Variants in MPDZ observed in about 807,000 individuals in gnomAD.
The protein encoded by MPDZ is multiple PDZ domain protein.
MPDZ carries 234 observed loss-of-function variants against 239.1 expected under a neutral mutation model. The observed-to-expected ratio is 0.98, with a 90% confidence interval of 0.88 to 1.09. The LOEUF (loss-of-function observed/expected upper bound fraction) is 1.09, where lower values mean the gene tolerates loss of function less well. Ranked by LOEUF, MPDZ falls within the 50% of genes least tolerant of loss-of-function variation. The probability of loss-of-function intolerance (pLI) is 0.00; values close to 1 mark genes in which losing one functional copy is unlikely to be tolerated. For synonymous variants in MPDZ, 1,048 were observed against 881.3 expected, an observed-to-expected ratio of 1.19 and a Z score of -3.35; for missense variants, 3,175 against 2,510.0, an observed-to-expected ratio of 1.26 and a Z score of -5.66.
chr9:13,197,032 T>C (rs1228168090), intron 12 of MPDZ, among the ~76,000 whole-genome samples: 1 of 151,932 alleles, frequency 6.6e-6, no homozygotes, highest in African/African-American at 2.4e-5. Context: ...TCAGATTTCT[T>C]ATTAGTTGCC....
intron 28 of MPDZ, among the ~76,000 whole-genome samples, chr9:13,139,150 C>G (rs924198814): frequency 6.6e-6 from 1 of 152,162 alleles, no homozygotes; most frequent in Non-Finnish European, 1.5e-5. Flanking sequence ...TACATTGATT[C>G]TTAACTGCAT....
At chr9:13,277,889 CTA>C (rs1202268437) in intron 1 of MPDZ, among the ~76,000 whole-genome samples, 2 of 152,092 alleles carry the variant, frequency 1.3e-5, no homozygotes, top group Admixed American at 1.3e-4. Flanking sequence ...TTTTAAAACA[CTA>C]TTGTTTGCCA....
chr9:13,206,310 T>A (rs1008310206), intron 10 of MPDZ, among the ~76,000 whole-genome samples: 1 of 152,068 alleles, frequency 6.6e-6, no homozygotes, highest in African/African-American at 2.4e-5. Flanking sequence ...GGCTTCTGTT[T>A]ATTTTAATAT....
chr9:13,199,782 A>G (rs1022186572), intron 12 of MPDZ, among the ~76,000 whole-genome samples: 1 of 152,086 alleles, frequency 6.6e-6, no homozygotes, highest in Non-Finnish European at 1.5e-5. Flanking sequence ...GCATATGTTG[A>G]AACATCCTCG....
intron 3 of MPDZ, among the ~76,000 whole-genome samples, chr9:13,236,234 T>C (rs1347003775): frequency 1.1e-4 from 3 of 27,450 alleles, no homozygotes; most frequent in East Asian, 2.6e-3. Context: ...TGTATATGTA[T>C]ATGTGTGTGT....
chr9:13,206,059 G>A lies in MPDZ; in HGVS notation c.1331C>T (p.Ala444Val). The stretch of plus-strand genomic sequence containing the variant: ...TCCTGTATGTCGCAATACCTCTACT[G>A]CTTGCTGATTAGTAAAACCCTGAAG... Reference protein sequence around the residue: ...TNLQGFTNQQAVEVLRHTGQT... With the variant: ...TNLQGFTNQQVVEVLRHTGQT... Residue 444 changes from alanine (A) to valine (V), a missense_variant, in exon 11 of 47, where the codon GCA becomes GTA. Ala to Val is a moderately conservative substitution (Grantham distance 64, BLOSUM62 0). Coordinates refer to ENST00000319217, the MANE Select transcript of MPDZ (RefSeq NM_001378778.1). 1 of 1,610,046 alleles carries A rather than the reference G, an allele frequency of 6.2e-7. No individual in the cohort carries two copies. Among genetic ancestry groups the A allele is most frequent in the Non-Finnish European group, 8.5e-7 (1 of 1,178,902 alleles).
chr9:13,168,304 A>C (rs1951335841), intron 22 of MPDZ, 62 bp downstream of exon 22: 1 of 1,472,692 alleles, frequency 6.8e-7, no homozygotes, highest in South Asian at 1.2e-5. Context: ...ACTGAAAAAG[A>C]ATTCTGATTA....
chr9:13,157,927 G>C (rs1950019581), intron 24 of MPDZ, 91 bp downstream of exon 24: 2 of 1,048,788 alleles, frequency 1.9e-6, no homozygotes, highest in Admixed American at 4.0e-5. Context: ...ATAACAAGAA[G>C]CAAGTTGTAA....
At chr9:13,231,465 G>A (rs1319828668) in intron 3 of MPDZ, among the ~76,000 whole-genome samples, 1 of 152,108 alleles carries the variant, frequency 6.6e-6, no homozygotes, top group Admixed American at 6.6e-5. Context: ...TACTTGGGAG[G>A]TTGAAGCACG....
intron 22 of MPDZ, among the ~76,000 whole-genome samples, chr9:13,165,188 T>C (rs1413175069): frequency 6.6e-6 from 1 of 152,112 alleles, no homozygotes; most frequent in African/African-American, 2.4e-5. Flanking sequence ...AACGTAACAA[T>C]CTCATAGCTC....
At chr9:13,183,244 CT>C (rs1231852529) in intron 19 of MPDZ, among the ~76,000 whole-genome samples, 173 bp downstream of exon 19, 1 of 151,994 alleles carries the variant, frequency 6.6e-6, no homozygotes, top group East Asian at 1.9e-4. Context: ...AATCTGAAAG[CT>C]ATCCAACCAA....
chr9:13,131,441 A>C (rs535775553), intron 32 of MPDZ, among the ~76,000 whole-genome samples: 2 of 152,304 alleles, frequency 1.3e-5, no homozygotes, highest in South Asian at 4.1e-4. Context: ...TCTCAGGAGG[A>C]AAGTGAGACC....
At chr9:13,223,759 TG>T (rs1233996630) in intron 4 of MPDZ, 49 bp from the exon 5 acceptor site, 5 of 1,527,736 alleles carry the variant, frequency 3.3e-6, no homozygotes, top group South Asian at 1.3e-5. Flanking sequence ...AGGCCATGCA[TG>T]GTGGTTCACG....
At chr9:13,218,015 T>C (rs62532870) in intron 8 of MPDZ, among the ~76,000 whole-genome samples, 3,701 of 151,900 alleles carry the variant, frequency 0.024, 57 homozygotes, top group Middle Eastern at 0.044. Flanking sequence ...GTACTATGTA[T>C]TAGCATGGTG....
At chr9:13,165,493 C>A (rs927952710) in intron 22 of MPDZ, 12 of 1,487,712 alleles carry the variant, frequency 8.1e-6, no homozygotes, top group Non-Finnish European at 1.0e-5. Context: ...GAGATGCATA[C>A]ATATGTAGTT....
At chr9:13,193,649 T>C (rs1167463270) in intron 13 of MPDZ, among the ~76,000 whole-genome samples, 1 of 152,152 alleles carries the variant, frequency 6.6e-6, no homozygotes, top group African/African-American at 2.4e-5. Flanking sequence ...GCTGCACAGC[T>C]AGAAAAGGGT....
chr9:13,230,667 T>G (rs1962130018), intron 3 of MPDZ, among the ~76,000 whole-genome samples: 2 of 152,066 alleles, frequency 1.3e-5, no homozygotes, highest in African/African-American at 4.8e-5. Context: ...AAGGGAGATA[T>G]TTGTGGTGAT....
At chr9:13,192,049 T>A in intron 15 of MPDZ, 82 bp downstream of exon 15, 1 of 1,239,592 alleles carries the variant, frequency 8.1e-7, no homozygotes, top group Non-Finnish European at 1.1e-6. Flanking sequence ...AAATACCAAA[T>A]TGAAAAATGC....
chr9:13,121,383 C>A (rs1944321402), intron 38 of MPDZ, among the ~76,000 whole-genome samples: 2 of 152,122 alleles, frequency 1.3e-5, no homozygotes, highest in Non-Finnish European at 1.5e-5. Flanking sequence ...CAATAGATTC[C>A]TTTGTTGCAA....
Sources: allele counts gnomAD v4.1 joint callset (sites outside exome capture counted in the v4.1 genomes callset), GRCh38; gene constraint gnomAD v4.1.1; transcripts MANE v1.5; gene names NCBI Gene and HGNC (gene_info 2026-07-23, HGNC 2026-07-21).